SORCS2: variants seen among roughly 807,000 people sequenced by gnomAD.
The protein encoded by SORCS2 is VPS10 domain-containing receptor SorCS2.
A neutral mutation model predicts 141.6 loss-of-function variants in SORCS2; 100 were observed. That is an observed-to-expected ratio of 0.71 (90% CI 0.60 to 0.83). The LOEUF (loss-of-function observed/expected upper bound fraction) is 0.83. SORCS2 is among the 40% of genes least tolerant of loss of function. The probability of loss-of-function intolerance (pLI) is 0.00; values close to 1 mark genes in which losing one functional copy is unlikely to be tolerated. For missense variants in SORCS2, 1,646 were observed against 1,560.2 expected, an observed-to-expected ratio of 1.05 and a Z score of -0.93; for synonymous variants, 789 against 676.9, an observed-to-expected ratio of 1.17 and a Z score of -2.57.
In SORCS2 at chr4:7,377,832, G is replaced by T. The variant is rs553313786; in HGVS notation, c.481-18456G>T. On this transcript the variant is annotated intron_variant, in intron 1 of 26. Transcript: ENST00000507866. ...TTTGATATACTTAAGGCAGAATTCAGCCATATGTTTGGGTCCCAGCAGAAT... is the reference window on the plus strand; with the variant it reads ...TTTGATATACTTAAGGCAGAATTCATCCATATGTTTGGGTCCCAGCAGAAT... 9.2e-5 allele frequency among the ~76,000 whole-genome samples: 14 copies of T among 152,334 alleles called. 1 individual carries two copies. In the East Asian group the frequency reaches 2.7e-3, roughly 29 times the overall value.
intron 1 of SORCS2, among the ~76,000 whole-genome samples, chr4:7,295,680 C>T (rs1294391961): frequency 3.3e-5 from 5 of 152,320 alleles, no homozygotes; most frequent in East Asian, 1.9e-4. Context: ...CTGGTGTGAA[C>T]GGGACGGCAC....
chr4:7,707,427 C>T lies in SORCS2; in HGVS notation c.1868+3143C>T, dbSNP rs1424362027. ...GGGTGGGAAACCAGGTTTCGGGAAA[C>T]TGAGATTGCGTGGGGCACAAGGACA... On this transcript the variant is annotated intron_variant, in intron 14 of 26. Coordinates refer to ENST00000507866, the MANE Select transcript of SORCS2 (RefSeq NM_020777.3). Among the ~76,000 whole-genome samples the T allele has an allele frequency of 1.3e-5, 2 of 152,220 alleles. 1 individual carries two copies. Among genetic ancestry groups the T allele is most frequent in the Non-Finnish European group, 2.9e-5 (2 of 68,046 alleles).
intron 3 of SORCS2, among the ~76,000 whole-genome samples, chr4:7,635,552 G>C (rs1209638338): frequency 6.6e-6 from 1 of 152,172 alleles, no homozygotes; most frequent in Non-Finnish European, 1.5e-5. Flanking sequence ...ATAATAGACT[G>C]CTTCATCGCC....
intron 1 of SORCS2, among the ~76,000 whole-genome samples, chr4:7,259,386 C>G (rs1714157627): frequency 6.6e-6 from 1 of 152,206 alleles, no homozygotes; most frequent in Admixed American, 6.5e-5. Flanking sequence ...CATTCTCAAG[C>G]ACAGATAGAA....
intron 2 of SORCS2, among the ~76,000 whole-genome samples, chr4:7,402,760 G>T (rs1724678743): frequency 6.6e-6 from 1 of 152,070 alleles, no homozygotes; most frequent in African/African-American, 2.4e-5. Flanking sequence ...CACTCAAGTG[G>T]GTGTGAGATT....
intron 2 of SORCS2, among the ~76,000 whole-genome samples, chr4:7,494,413 C>T (rs1345977114): frequency 6.6e-6 from 1 of 152,182 alleles, no homozygotes; most frequent in African/African-American, 2.4e-5. Flanking sequence ...CCATTTGTTT[C>T]TTAATTCTGG....
chr4:7,528,468 T>C (rs953535494), intron 2 of SORCS2, among the ~76,000 whole-genome samples: 19 of 151,902 alleles, frequency 1.3e-4, no homozygotes, highest in Non-Finnish European at 2.6e-4. Context: ...CTCTGTCACC[T>C]AGGCTGTAGT....
chr4:7,602,647 C>T (rs1287801000), intron 3 of SORCS2, among the ~76,000 whole-genome samples: 10 of 148,622 alleles, frequency 6.7e-5, no homozygotes, highest in Admixed American at 6.7e-4. Flanking sequence ...GGATGACTGC[C>T]GGGAAGAGGC....
At chr4:7,508,772 G>A (rs1435049504) in intron 2 of SORCS2, among the ~76,000 whole-genome samples, 2 of 152,192 alleles carry the variant, frequency 1.3e-5, no homozygotes, top group East Asian at 1.9e-4. Context: ...GCTGTAGCAC[G>A]CATCAGTGCT....
chr4:7,533,931 G>GGT (rs1560363636), intron 3 of SORCS2, among the ~76,000 whole-genome samples: 148 of 152,300 alleles, frequency 9.7e-4, no homozygotes, highest in African/African-American at 3.4e-3. Context: ...AAAGGCTGGG[G>GGT]CTGCGATGTG....
chr4:7,466,455 G>C (rs893063181), intron 2 of SORCS2, among the ~76,000 whole-genome samples: 1 of 152,196 alleles, frequency 6.6e-6, no homozygotes, highest in Non-Finnish European at 1.5e-5. Context: ...CTTGGTATGG[G>C]GGCAGGGGGT....
intron 5 of SORCS2, among the ~76,000 whole-genome samples, chr4:7,661,144 A>G (rs1722133812): frequency 6.6e-6 from 1 of 152,234 alleles, no homozygotes; most frequent in African/African-American, 2.4e-5. Flanking sequence ...AACAAAAATG[A>G]AAAAGCAACG....
In SORCS2 at chr4:7,663,583, G is replaced by T. The variant is rs752314624; in HGVS notation, c.953-770G>T. 3.9e-5 allele frequency among the ~76,000 whole-genome samples: 6 copies of T among 152,226 alleles called. No individual in the cohort carries two copies. Among genetic ancestry groups the T allele is most frequent in the Non-Finnish European group, 8.8e-5 (6 of 68,038 alleles). Reference sequence around the variant, plus strand: ...CTTCTGCCTCCTCTGAACAGACCGGGCAGGTGGGCCCACCCCATTGTTCAG... The same window carrying T: ...CTTCTGCCTCCTCTGAACAGACCGGTCAGGTGGGCCCACCCCATTGTTCAG... On this transcript the variant is annotated intron_variant, in intron 6 of 26. Coordinates refer to ENST00000507866, the MANE Select transcript of SORCS2 (RefSeq NM_020777.3). The surrounding 1 kb of genome is among the most constrained non-coding windows in gnomAD (Gnocchi z 4.8).
chr4:7,332,021 AG>A (rs1413681779), intron 1 of SORCS2, among the ~76,000 whole-genome samples: 2 of 152,194 alleles, frequency 1.3e-5, no homozygotes, highest in Non-Finnish European at 2.9e-5. Context: ...GGGTGAGATT[AG>A]GGGTACAGCT....
In SORCS2 at chr4:7,615,255, A is replaced by G. The variant is rs149845901; in HGVS notation, c.649-23073A>G. ...AGTTTCTGGAGATATAACAGTGAGC[A>G]AGAGAGACAAGACCCTCCTATCTGG... On this transcript the variant is annotated intron_variant, in intron 3 of 26. Transcript: ENST00000507866. Among the ~76,000 whole-genome samples the G allele has an allele frequency of 6.8e-3, 1,032 of 152,352 alleles. 14 individuals carry two copies. Among genetic ancestry groups the G allele is most frequent in the Middle Eastern group, 0.041 (12 of 294 alleles).
Position 7,629,156 on chromosome 4 carries a change from C to T in SORCS2, c.649-9172C>T, listed in dbSNP as rs141065288. 4.8e-3 allele frequency among the ~76,000 whole-genome samples: 725 copies of T among 152,186 alleles called. 7 individuals carry two copies. The highest frequency in any genetic ancestry group is 0.017 in the African/African-American group (686 of 41,512). On this transcript the variant is annotated intron_variant, in intron 3 of 26. Transcript: ENST00000507866. ...GTTGATTGGCTTGATTTAATCATTG[C>T]ATGTTGTGTGTCGTATGTATGTATA...
rs945174265 is a variant in SORCS2 at position 7,477,580 on chromosome 4, G to C, written c.549-53950G>C. On this transcript the variant is annotated intron_variant, in intron 2 of 26. Transcript: ENST00000507866. ...TGGCTAAGAGCTCTGCAAAGCCGGG[G>C]TCTGAGGCTCCCCTCTGCTTGTCTG... 9.9e-5 allele frequency among the ~76,000 whole-genome samples: 15 copies of C among 152,158 alleles called. 1 individual carries two copies. The highest frequency in any genetic ancestry group is 9.8e-4 in the Admixed American group (15 of 15,284).
chr4:7,536,316 C>T (rs544247153), intron 3 of SORCS2, among the ~76,000 whole-genome samples: 4 of 152,234 alleles, frequency 2.6e-5, no homozygotes, highest in South Asian at 4.1e-4. Context: ...GAATCAAGCC[C>T]GGCACACAGT....
intron 1 of SORCS2, among the ~76,000 whole-genome samples, chr4:7,344,651 C>T (rs1720553434): frequency 6.6e-6 from 1 of 152,174 alleles, no homozygotes; most frequent in Non-Finnish European, 1.5e-5. Context: ...GGGGCAGAAA[C>T]ATGCCTGGGA....
Sources: allele counts gnomAD v4.1 joint callset (sites outside exome capture counted in the v4.1 genomes callset), GRCh38; gene constraint gnomAD v4.1.1; non-coding constraint Gnocchi (gnomAD v3.1); transcripts MANE v1.5; gene names NCBI Gene and HGNC (gene_info 2026-07-23, HGNC 2026-07-21).